Variants in IFT81 observed in about 807,000 individuals in gnomAD.
IFT81 encodes intraflagellar transport 81.
IFT81 carries 72 observed loss-of-function variants against 102.6 expected under a neutral mutation model. The ratio of observed to expected loss-of-function variants is 0.70; its 90% CI spans 0.58 to 0.85. The LOEUF (loss-of-function observed/expected upper bound fraction) is 0.85. Among genes scored for constraint, IFT81 ranks in the 40% least tolerant of loss-of-function variants. The pLI, the probability that IFT81 is intolerant of heterozygous loss-of-function variation, is 0.00. For synonymous variants in IFT81, 237 were observed against 242.7 expected, an observed-to-expected ratio of 0.98 and a Z score of 0.22; for missense variants, 723 against 787.3, an observed-to-expected ratio of 0.92 and a Z score of 0.98.
intron 18 of IFT81, among the ~76,000 whole-genome samples, chr12:110,215,538 T>C (rs1869993368): frequency 7.6e-6 from 1 of 132,244 alleles, no homozygotes; most frequent in Non-Finnish European, 1.6e-5. Context: ...CACAGCTCAC[T>C]GCAGCCTTGA....
rs751481208 is a variant in IFT81 at position 110,179,724 on chromosome 12, T to TTA, written c.1189-649_1189-648dup. Among the ~76,000 whole-genome samples the TTA allele has an allele frequency of 5.0e-3, 241 of 48,518 alleles. 1 individual carries two copies. The highest frequency in any genetic ancestry group is 7.8e-3 in the Non-Finnish European group (182 of 23,432). The allele number at this position is 48,518 out of a possible 152,430, so 31.8% of individuals were successfully genotyped here. A position where few individuals can be genotyped will look rare whatever the true frequency, so the allele number is the denominator to read the frequency against. Reference sequence around the variant, plus strand: ...CAACAGAGCAAACCCTATCTCGAAATTATATATATATATATATATATATAT... The same window carrying TTA: ...CAACAGAGCAAACCCTATCTCGAAATTATATATATATATATATATATATATAT... On this transcript the variant is annotated intron_variant, in intron 11 of 18. Coordinates refer to ENST00000242591, the MANE Select transcript of IFT81 (RefSeq NM_014055.4).
Position 110,190,980 on chromosome 12 carries a change from A to G in IFT81, c.1399A>G (p.Arg467Gly), listed in dbSNP as rs774538576. 10 of 1,609,850 alleles carry G rather than the reference A, an allele frequency of 6.2e-6. No individual in the cohort carries two copies. Among genetic ancestry groups the G allele is most frequent in the Admixed American group, 1.7e-5 (1 of 59,412 alleles). ...GYSYTQEELE[R>G]VSALKSEVDE... ...TAGTTACACCCAAGAAGAGCTAGAA[A>G]GAGTATCTGCACTGAAGAGTGAAGT... The change falls in exon 13 of 19, where the codon AGA becomes GGA. Residue 467 changes from arginine to glycine, a missense_variant. Arg to Gly is a moderately radical substitution (Grantham distance 125, BLOSUM62 -2). Transcript: ENST00000242591.
At chr12:110,184,824 C>T (rs998250510) in intron 12 of IFT81, among the ~76,000 whole-genome samples, 4 of 152,216 alleles carry the variant, frequency 2.6e-5, no homozygotes, top group Admixed American at 2.6e-4. Flanking sequence ...CTGCTGTACT[C>T]AGTCATTGGC....
At chr12:110,216,092 T>C (rs1002187647) in intron 18 of IFT81, among the ~76,000 whole-genome samples, 1 of 152,228 alleles carries the variant, frequency 6.6e-6, no homozygotes, top group African/African-American at 2.4e-5. Flanking sequence ...TATCAAGTAT[T>C]TCAATATCTA....
chr12:110,216,807 A>T, intron 18 of IFT81: 1 of 324,422 alleles, frequency 3.1e-6, no homozygotes, highest in Non-Finnish European at 6.0e-6. Context: ...TCCACTTGAA[A>T]CTCCAAGCAT....
intron 8 of IFT81, among the ~76,000 whole-genome samples, chr12:110,140,729 T>A (rs1480823247): frequency 2.6e-5 from 4 of 152,170 alleles, no homozygotes; most frequent in African/African-American, 7.2e-5. Context: ...TTTACTTATT[T>A]ATTTATTTTT....
In IFT81 at chr12:110,180,436, C is replaced by G. The variant is rs1372494231; in HGVS notation, c.1203C>G (p.Val401=). 1 of 1,602,662 alleles carries G rather than the reference C, an allele frequency of 6.2e-7. No homozygotes were observed. Among genetic ancestry groups the G allele is most frequent in the Non-Finnish European group, 8.5e-7 (1 of 1,171,684 alleles). Residue 401 remains valine, a synonymous_variant, in exon 12 of 19, where the codon GTC becomes GTG. Coordinates refer to ENST00000242591, the MANE Select transcript of IFT81 (RefSeq NM_014055.4). ...TTTTTTTACAGTTCAAACGATATGTCAATAAACTTCGAAGCAAGAGTACAG... is the reference window on the plus strand; with the variant it reads ...TTTTTTTACAGTTCAAACGATATGTGAATAAACTTCGAAGCAAGAGTACAG... The part of the protein sequence containing the change: ...VLKGDEFKRY[V]NKLRSKSTVF...
rs184790700 is a variant in IFT81, at chr12:110,216,070, T to C, written c.1849-1974T>C. ...CATTTAATAACAAGGATATATATAATACATGATAATTTATCAAGTATTTCA... is the reference window on the plus strand; with the variant it reads ...CATTTAATAACAAGGATATATATAACACATGATAATTTATCAAGTATTTCA... On this transcript the variant is annotated intron_variant, in intron 18 of 18. Coordinates refer to ENST00000242591, the MANE Select transcript of IFT81 (RefSeq NM_014055.4). 8.8e-4 allele frequency among the ~76,000 whole-genome samples: 134 copies of C among 152,334 alleles called. 1 individual carries two copies. Among genetic ancestry groups the C allele is most frequent in the Middle Eastern group, 3.4e-3 (1 of 294 alleles).
rs190592885 is a variant in IFT81, at chr12:110,138,660, C to T, written c.781+1800C>T. On this transcript the variant is annotated intron_variant, in intron 8 of 18. Coordinates refer to ENST00000242591, the MANE Select transcript of IFT81 (RefSeq NM_014055.4). ...GTTGGTCAGGCTGGTCTTGAACTCC[C>T]GACCTCAGGTGATCCACCCGCCTCA... 1.2e-4 allele frequency among the ~76,000 whole-genome samples: 18 copies of T among 152,100 alleles called. 1 individual carries two copies. Among genetic ancestry groups the T allele is most frequent in the South Asian group, 4.2e-4 (2 of 4,816 alleles).
At chr12:110,163,122 T>G in intron 11 of IFT81, 57 bp downstream of exon 11, 1 of 1,413,688 alleles carries the variant, frequency 7.1e-7, no homozygotes, top group South Asian at 1.3e-5. Flanking sequence ...TGTGAAACTA[T>G]TAGTGTGTTT....
At chr12:110,178,825 C>G in intron 11 of IFT81, among the ~76,000 whole-genome samples, 1 of 150,318 alleles carries the variant, frequency 6.7e-6, no homozygotes. Context: ...CCATGTTGGC[C>G]AGGCTGGTTT....
chr12:110,187,747 TTTTTG>T (rs1897599907), intron 12 of IFT81, among the ~76,000 whole-genome samples: 2 of 152,142 alleles, frequency 1.3e-5, no homozygotes, highest in African/African-American at 2.4e-5. Context: ...GAGGGTAGCT[TTTTTG>T]TTTTGTTTTG....
rs967358516 is a variant in IFT81 at position 110,143,557 on chromosome 12, T to A, written c.945+12T>A. The A allele has an allele frequency of 1.0e-5, 16 of 1,533,990 alleles. No homozygotes were observed. The highest frequency in any genetic ancestry group is 1.4e-5 in the Non-Finnish European group (16 of 1,151,658). ...AACTTGAATCTAAAGTAAGTGAGAATCATCTTTTTATAGCTCTCAATTTTA... is the reference window on the plus strand; with the variant it reads ...AACTTGAATCTAAAGTAAGTGAGAAACATCTTTTTATAGCTCTCAATTTTA... On this transcript the variant is annotated intron_variant, in intron 9 of 18. Coordinates refer to ENST00000242591, the MANE Select transcript of IFT81 (RefSeq NM_014055.4).
At chr12:110,203,681 T>G (rs1898422118) in intron 14 of IFT81, 183 bp from the exon 15 acceptor site, 1 of 615,150 alleles carries the variant, frequency 1.6e-6, no homozygotes, top group South Asian at 1.8e-5. Flanking sequence ...TGGTAGCTAT[T>G]ATTATTATCA....
intron 9 of IFT81, among the ~76,000 whole-genome samples, chr12:110,145,791 G>A (rs1331030088): frequency 7.3e-6 from 1 of 136,448 alleles, no homozygotes; most frequent in Non-Finnish European, 1.6e-5. Context: ...AGTCAGATCT[G>A]GCTAAAATTT....
intron 10 of IFT81, among the ~76,000 whole-genome samples, chr12:110,155,166 ATC>A (rs1413440567): frequency 6.6e-6 from 1 of 152,136 alleles, no homozygotes; most frequent in Non-Finnish European, 1.5e-5. Context: ...AAGTTATTTC[ATC>A]TGTTATTAAT....
At chr12:110,160,769 G>A (rs371473264) in intron 10 of IFT81, among the ~76,000 whole-genome samples, 3 of 151,972 alleles carry the variant, frequency 2.0e-5, no homozygotes, top group South Asian at 4.2e-4. Context: ...TATGTCTTCC[G>A]ACTGATTTTG....
Position 110,205,537 on chromosome 12 carries a change from C to T in IFT81, c.1716+23C>T, listed in dbSNP as rs757693782. The T allele has an allele frequency of 5.0e-6, 8 of 1,586,234 alleles. No individual in the cohort carries two copies. In the Admixed American group the frequency reaches 1.3e-4, roughly 26 times the overall value. ...AAGGTAAGACAAAGTAGATCAAAAA[C>T]ATTTCTGAGTTTTTTCTATATCAAA... On this transcript the variant is annotated intron_variant, in intron 16 of 18. Coordinates refer to ENST00000242591, the MANE Select transcript of IFT81 (RefSeq NM_014055.4).
At position 110,170,098 on chromosome 12, in the gene IFT81, G is replaced by A. The variant is rs1314387159; in HGVS notation, c.1188+7033G>A. ...CTCCCGAGTAGCTGGGACTACAGGT[G>A]CCCGCCACCATGCCCGGCTAATTTT... On this transcript the variant is annotated intron_variant, in intron 11 of 18. Coordinates refer to ENST00000242591, the MANE Select transcript of IFT81 (RefSeq NM_014055.4). Among the ~76,000 whole-genome samples the A allele has an allele frequency of 2.1e-4, 32 of 151,898 alleles. 1 individual carries two copies. Among genetic ancestry groups the A allele is most frequent in the Admixed American group, 2.1e-3 (32 of 15,226 alleles).
Sources: gnomAD v4.1 joint callset for allele counts (sites outside exome capture counted in the v4.1 genomes callset) on GRCh38, gnomAD v4.1.1 for gene constraint, MANE v1.5 for transcripts, NCBI Gene and HGNC (gene_info 2026-07-23, HGNC 2026-07-21) for gene names.